ERMP1: variants seen among roughly 807,000 people sequenced by gnomAD.
The protein encoded by ERMP1 is Felix-ina.
ERMP1 carries 86 observed loss-of-function variants against 92.0 expected under a neutral mutation model. That is an observed-to-expected ratio of 0.93 (90% CI 0.79 to 1.12). The LOEUF (loss-of-function observed/expected upper bound fraction) is 1.12. ERMP1 is among the 50% of genes most tolerant of loss of function. The pLI is 0.00. For synonymous variants in ERMP1, 530 were observed against 412.8 expected, an observed-to-expected ratio of 1.28 and a Z score of -3.44; for missense variants, 1,342 against 1,116.3, an observed-to-expected ratio of 1.20 and a Z score of -2.88.
At chr9:5,834,873 T>C (rs1265403315), upstream of ERMP1, among the ~76,000 whole-genome samples, 1 of 151,898 alleles carries the variant, frequency 6.6e-6, no homozygotes, top group Non-Finnish European at 1.5e-5. Flanking sequence ...AGTTACAATC[T>C]CACAGAGTCC....
Position 5,801,114 on chromosome 9 carries a change from G to A in ERMP1, c.2067+62C>T, listed in dbSNP as rs200967534. On this transcript the variant is annotated intron_variant, in intron 11 of 14. Transcript: ENST00000339450. ...TCAGCTGCGCTTGCTATTCACTACT[G>A]AAGCTCAAAACACACAGGGCTTCCT... is the stretch of plus-strand genomic sequence containing the variant. The A allele has an allele frequency of 4.6e-6, 7 of 1,536,770 alleles. No homozygotes were observed. The East Asian group carries it at 1.6e-4, about 35-fold the overall frequency.
intron 6 of ERMP1, among the ~76,000 whole-genome samples, chr9:5,847,538 C>G (rs1330220679): frequency 1.3e-5 from 2 of 152,016 alleles, no homozygotes; most frequent in Non-Finnish European, 2.9e-5. Context: ...GCACCTGACC[C>G]CCAGATGGCT....
intron 13 of ERMP1, among the ~76,000 whole-genome samples, chr9:5,797,450 C>G (rs1205300466): frequency 1.3e-5 from 2 of 151,996 alleles, no homozygotes; most frequent in Non-Finnish European, 2.9e-5. Flanking sequence ...GAGTTCAAGA[C>G]CAGCCTGACC....
intron 4 of ERMP1, 25 bp from the exon 5 acceptor site, chr9:5,813,060 T>C (rs776542368): frequency 4.4e-6 from 7 of 1,603,102 alleles, no homozygotes; most frequent in East Asian, 2.3e-5. Flanking sequence ...GACAACACAA[T>C]AGAAGGTATT....
At chr9:5,821,853 T>A (rs774466770) in intron 4 of ERMP1, among the ~76,000 whole-genome samples, 1 of 152,226 alleles carries the variant, frequency 6.6e-6, no homozygotes, top group African/African-American at 2.4e-5. Context: ...TTTTTCACAA[T>A]AGGAAAGAAG....
intron 4 of ERMP1, among the ~76,000 whole-genome samples, chr9:5,814,325 T>C (rs1217327079): frequency 6.6e-6 from 1 of 151,388 alleles, no homozygotes. Context: ...GATTTTGGGG[T>C]TGTTACCACA....
At chr9:5,811,088 T>TA (rs753535756) in intron 7 of ERMP1, 23 bp downstream of exon 7, 2 of 1,528,216 alleles carry the variant, frequency 1.3e-6, no homozygotes, top group Non-Finnish European at 9.1e-7. Context: ...CCAGTATTTG[T>TA]AGTTTTAGAG....
chr9:5,787,757 A>T (rs182004958), intron 13 of ERMP1, among the ~76,000 whole-genome samples, 164 bp from the exon 14 acceptor site: 1 of 152,354 alleles, frequency 6.6e-6, no homozygotes, highest in Admixed American at 6.5e-5. Flanking sequence ...AGTGTGAATC[A>T]ACAAGGTTAA....
chr9:5,854,938 T>C (rs1243397474), intron 6 of ERMP1, among the ~76,000 whole-genome samples: 1 of 152,196 alleles, frequency 6.6e-6, no homozygotes, highest in Non-Finnish European at 1.5e-5. Flanking sequence ...CAAAAAACTT[T>C]TAGGGGTTGA....
intron 1 of ERMP1, among the ~76,000 whole-genome samples, chr9:5,831,336 T>C (rs1829931675): frequency 6.6e-6 from 1 of 152,210 alleles, no homozygotes; most frequent in Non-Finnish European, 1.5e-5. Context: ...CCAGGCACGG[T>C]GGCTCACGCC....
intron 4 of ERMP1, among the ~76,000 whole-genome samples, chr9:5,814,511 G>A (rs1237821009): frequency 6.6e-6 from 1 of 152,176 alleles, no homozygotes; most frequent in East Asian, 1.9e-4. Flanking sequence ...AGGAGGCCGA[G>A]GTGGGCAGAG....
Position 5,813,057 on chromosome 9 carries a change from C to T in ERMP1, c.875-22G>A, listed in dbSNP as rs770830777. The T allele has an allele frequency of 6.8e-6, 11 of 1,607,528 alleles. No homozygotes were observed. In the East Asian group the frequency reaches 2.0e-4, roughly 30 times the overall value. On this transcript the variant is annotated intron_variant, in intron 4 of 14. Transcript: ENST00000339450. ...GGACCTAAAATGAAAGATGACAACA[C>T]AATAGAAGGTATTCCGGCAATTTTT...
intron 5 of ERMP1, among the ~76,000 whole-genome samples, chr9:5,865,914 T>A (rs1362304175): frequency 6.8e-6 from 1 of 146,796 alleles, no homozygotes; most frequent in East Asian, 2.0e-4. Flanking sequence ...CAGAAGAAAA[T>A]ACAGCTAAAA....
At chr9:5,810,694 G>C (rs999123912) in intron 7 of ERMP1, among the ~76,000 whole-genome samples, 3 of 152,096 alleles carry the variant, frequency 2.0e-5, no homozygotes, top group African/African-American at 7.2e-5. Flanking sequence ...TCTCGTAACA[G>C]CACACAACAA....
intron 6 of ERMP1, among the ~76,000 whole-genome samples, chr9:5,841,770 T>C (rs1830166036): frequency 1.3e-5 from 2 of 152,198 alleles, no homozygotes; most frequent in Non-Finnish European, 2.9e-5. Flanking sequence ...CCGGAACTGG[T>C]TCCTTCAGGT....
At chr9:5,792,101 T>C (rs561409811) in intron 13 of ERMP1, among the ~76,000 whole-genome samples, 29 of 152,180 alleles carry the variant, frequency 1.9e-4, no homozygotes, top group African/African-American at 6.5e-4. Context: ...ACAGTGTGTG[T>C]TGGGTGCAAA....
At position 5,804,058 on chromosome 9, in the gene ERMP1, A is replaced by G. The variant is rs115850903; in HGVS notation, c.1914+969T>C. ...GCTGTCTTTAGAACCTAACTTCCACAAAGTAAAGGGGTAACGAATGCCCTT... is the reference window on the plus strand; with the variant it reads ...GCTGTCTTTAGAACCTAACTTCCACGAAGTAAAGGGGTAACGAATGCCCTT... On this transcript the variant is annotated intron_variant, in intron 10 of 14. Transcript: ENST00000339450. Among the ~76,000 whole-genome samples the G allele has an allele frequency of 3.6e-3, 545 of 152,296 alleles. 3 individuals are homozygous for G. The highest frequency in any genetic ancestry group is 0.012 in the African/African-American group (506 of 41,548).
chr9:5,791,240 G>T (rs954122500), intron 13 of ERMP1: 1 of 456,870 alleles, frequency 2.2e-6, no homozygotes, highest in Admixed American at 2.3e-5. Flanking sequence ...TTACATGATT[G>T]TTGAGGCTGG....
chr9:5,832,320 G>T (rs528791655), intron 1 of ERMP1: 1 of 212,212 alleles, frequency 4.7e-6, no homozygotes, highest in Admixed American at 6.0e-5. Context: ...AACAGTCTAG[G>T]TACACAAATT....
Sources: gnomAD v4.1 joint callset for allele counts (sites outside exome capture counted in the v4.1 genomes callset) on GRCh38, gnomAD v4.1.1 for gene constraint, MANE v1.5 for transcripts, NCBI Gene and HGNC (gene_info 2026-07-23, HGNC 2026-07-21) for gene names.